Variants in GK5 observed in about 807,000 individuals in gnomAD.
GK5 encodes glycerol kinase 5, also known as ATP:glycerol 3-phosphotransferase 5.
A neutral mutation model predicts 77.3 loss-of-function variants in GK5; 39 were observed. That is an observed-to-expected ratio of 0.50 (90% confidence interval 0.39 to 0.66). The LOEUF is 0.66. Ranked by LOEUF, GK5 falls within the 30% of genes least tolerant of loss-of-function variation. The pLI is 0.00. For missense variants in GK5, 487 were observed against 633.8 expected (o/e 0.77, Z 2.49); for synonymous variants, 211 against 208.0 (o/e 1.01, Z -0.13).
At chr3:142,185,412 CAAAAAA>C in intron 9 of GK5, 3 of 724,206 alleles carry the variant, frequency 4.1e-6, no homozygotes, top group African/African-American at 2.2e-5. Context: ...GACCCTGTCT[CAAAAAA>C]AAAAAAAAAA....
intron 5 of GK5, among the ~76,000 whole-genome samples, chr3:142,197,619 A>G (rs1486309232): frequency 6.6e-6 from 1 of 152,240 alleles, no homozygotes; most frequent in African/African-American, 2.4e-5. Flanking sequence ...AATATAGACT[A>G]ATAATGTCAA....
chr3:142,190,868 G>GA (rs2063838438), intron 5 of GK5, among the ~76,000 whole-genome samples: 1 of 151,548 alleles, frequency 6.6e-6, no homozygotes, highest in Admixed American at 6.6e-5. Flanking sequence ...TAAACCAGCA[G>GA]AAAAAAAATC....
rs532956390 is a variant in GK5, at chr3:142,225,522, C to G, written c.-67G>C. 84 of 1,546,124 alleles carry G rather than the reference C, an allele frequency of 5.4e-5. 1 individual carries two copies. The South Asian group carries it at 9.6e-4, about 18-fold the overall frequency. On this transcript the variant is annotated 5_prime_UTR_variant, in exon 1 of 16. Coordinates refer to ENST00000392993, the MANE Select transcript of GK5 (RefSeq NM_001039547.3). ...GGGCGCGCTACAAATCCCAATGCTCCAGAGTCCCCGGGCGGCCCAACCCGG... is the reference window on the plus strand; with the variant it reads ...GGGCGCGCTACAAATCCCAATGCTCGAGAGTCCCCGGGCGGCCCAACCCGG...
intron 15 of GK5, among the ~76,000 whole-genome samples, chr3:142,169,829 T>C (rs1401046771): frequency 1.3e-5 from 2 of 151,992 alleles, no homozygotes; most frequent in Non-Finnish European, 1.5e-5. Context: ...TGTGCCACCA[T>C]GCTCAGCTAA....
intron 5 of GK5, among the ~76,000 whole-genome samples, chr3:142,195,195 T>G (rs1200508032): frequency 1.3e-5 from 2 of 152,186 alleles, no homozygotes; most frequent in African/African-American, 4.8e-5. Context: ...ATTTACCAGT[T>G]TTTATAAAAG....
intron 3 of GK5, 152 bp downstream of exon 3, chr3:142,213,374 T>C: frequency 1.7e-6 from 1 of 590,404 alleles, no homozygotes; most frequent in East Asian, 2.7e-5. Context: ...GCAGTGAGCA[T>C]ACAAGCCAGA....
At chr3:142,168,619 G>C (rs1044050513) in intron 15 of GK5, among the ~76,000 whole-genome samples, 11 of 151,874 alleles carry the variant, frequency 7.2e-5, no homozygotes, top group Non-Finnish European at 1.3e-4. Context: ...TGCTTTCTAG[G>C]GGGCCCTTTA....
intron 1 of GK5, among the ~76,000 whole-genome samples, chr3:142,216,070 A>C (rs926654845): frequency 3.3e-5 from 5 of 152,232 alleles, no homozygotes; most frequent in African/African-American, 1.2e-4. Context: ...CTTCCGCTAA[A>C]TACAAATATA....
At chr3:142,170,236 C>T in intron 15 of GK5, 89 bp downstream of exon 15, 1 of 1,360,194 alleles carries the variant, frequency 7.4e-7, no homozygotes. Context: ...TTTCCAGACT[C>T]TCTAGAATTT....
At chr3:142,200,976 C>A (rs1164111756) in intron 4 of GK5, among the ~76,000 whole-genome samples, 2 of 152,130 alleles carry the variant, frequency 1.3e-5, no homozygotes, top group Non-Finnish European at 2.9e-5. Flanking sequence ...CATTATTTAA[C>A]ATGCTACTAA....
intron 3 of GK5, among the ~76,000 whole-genome samples, 154 bp from the exon 4 acceptor site, chr3:142,204,942 A>G (rs2064082589): frequency 6.6e-6 from 1 of 152,248 alleles, no homozygotes. Flanking sequence ...TCTTGATTTT[A>G]TAAGTTGAAC....
intron 10 of GK5, among the ~76,000 whole-genome samples, chr3:142,181,892 T>A (rs896803825): frequency 6.6e-6 from 1 of 152,236 alleles, no homozygotes; most frequent in Admixed American, 6.5e-5. Flanking sequence ...TATAGGCATG[T>A]CTACATCTCT....
chr3:142,187,670 G>A, intron 6 of GK5, 34 bp downstream of exon 6: 1 of 1,448,430 alleles, frequency 6.9e-7, no homozygotes, highest in Non-Finnish European at 9.6e-7. Flanking sequence ...TCAAATTTCG[G>A]TTATTTAAAA....
chr3:142,194,460 A>C (rs1368075183), intron 5 of GK5, among the ~76,000 whole-genome samples: 2 of 151,574 alleles, frequency 1.3e-5, no homozygotes, highest in Non-Finnish European at 2.9e-5. Flanking sequence ...TGGGACGCAG[A>C]GGTTACAGTA....
chr3:142,212,449 T>G (rs1231470549), intron 3 of GK5, among the ~76,000 whole-genome samples: 1 of 151,990 alleles, frequency 6.6e-6, no homozygotes, highest in East Asian at 1.9e-4. Flanking sequence ...GGCGGGAGGA[T>G]TACCTGAGCC....
At chr3:142,196,773 G>C (rs2063939972) in intron 5 of GK5, among the ~76,000 whole-genome samples, 1 of 152,160 alleles carries the variant, frequency 6.6e-6, no homozygotes, top group African/African-American at 2.4e-5. Context: ...CACTTCAAGA[G>C]AGTGTATATT....
chr3:142,222,019 A>G (rs1013792243), intron 1 of GK5, among the ~76,000 whole-genome samples: 1 of 152,184 alleles, frequency 6.6e-6, no homozygotes, highest in African/African-American at 2.4e-5. Flanking sequence ...GGTTTCTATT[A>G]TACATTCTTT....
chr3:142,204,859 G>A, intron 3 of GK5, 71 bp from the exon 4 acceptor site: 2 of 849,868 alleles, frequency 2.4e-6, no homozygotes, highest in South Asian at 3.2e-5. Flanking sequence ...TGCCATAAGA[G>A]AAAACAAAAT....
chr3:142,209,005 C>A (rs569306631), intron 3 of GK5, among the ~76,000 whole-genome samples: 1 of 152,006 alleles, frequency 6.6e-6, no homozygotes, highest in Non-Finnish European at 1.5e-5. Flanking sequence ...AAAAATTAGC[C>A]GAGCGCGGTG....
Sources: gnomAD v4.1 joint callset for allele counts (sites outside exome capture counted in the v4.1 genomes callset) on GRCh38, gnomAD v4.1.1 for gene constraint, MANE v1.5 for transcripts, NCBI Gene and HGNC (gene_info 2026-07-23, HGNC 2026-07-21) for gene names.